The following TERF1 variants were observed in gnomAD, a reference collection of about 807,000 sequenced individuals.
The protein encoded by TERF1 is telomeric repeat-binding factor 1.
A neutral mutation model predicts 55.1 loss-of-function variants in TERF1; 20 were observed. The ratio of observed to expected loss-of-function variants is 0.36; its 90% CI spans 0.26 to 0.53. The LOEUF (loss-of-function observed/expected upper bound fraction) is 0.53, where lower values mean the gene tolerates loss of function less well. Among genes scored for constraint, TERF1 ranks in the 20% least tolerant of loss-of-function variants. The probability of loss-of-function intolerance (pLI) is 0.91; values close to 1 mark genes in which losing one functional copy is unlikely to be tolerated. For missense variants in TERF1, 439 were observed against 535.7 expected (o/e 0.82, Z 1.78); for synonymous variants, 168 against 181.2 (o/e 0.93, Z 0.59).
chr8:73,034,759 A>G (rs1275895352), intron 8 of TERF1, among the ~76,000 whole-genome samples: 2 of 145,974 alleles, frequency 1.4e-5, no homozygotes, highest in African/African-American at 2.5e-5. Flanking sequence ...TCAATCCTCA[A>G]AACAACCTTA....
chr8:73,020,978 T>C (rs530610628), intron 3 of TERF1, among the ~76,000 whole-genome samples, 173 bp downstream of exon 3: 58 of 152,278 alleles, frequency 3.8e-4, no homozygotes, highest in Admixed American at 1.4e-3. Context: ...TGGAACTTAA[T>C]GTGCCATACT....
chr8:73,018,852 C>T (rs1428979567), intron 2 of TERF1: 1 of 152,048 alleles, frequency 6.6e-6, no homozygotes, highest in Non-Finnish European at 1.5e-5. Flanking sequence ...AGTTTTTTGT[C>T]TTCAAGACAC....
intron 1 of TERF1, chr8:73,009,668 G>C (rs1053948051): frequency 1.3e-5 from 2 of 154,174 alleles, no homozygotes; most frequent in East Asian, 3.9e-4. Flanking sequence ...TGTAGTCTCA[G>C]AATAAAAGTA....
intron 2 of TERF1, among the ~76,000 whole-genome samples, chr8:73,014,986 A>G (rs994601379): frequency 6.6e-6 from 1 of 152,226 alleles, no homozygotes; most frequent in Non-Finnish European, 1.5e-5. Context: ...ATAAGTTGAC[A>G]CTGTTGTTAA....
At position 73,028,571 on chromosome 8, in the gene TERF1, A is replaced by AATTTTTT. The variant is rs1554555223; in HGVS notation, c.887+1519_887+1520insATTTTTT. 6.9e-4 allele frequency among the ~76,000 whole-genome samples: 72 copies of AATTTTTT among 104,418 alleles called. 1 individual carries two copies. Among genetic ancestry groups the AATTTTTT allele is most frequent in the African/African-American group, 2.5e-3 (65 of 26,434 alleles). 68.5% of individuals were successfully genotyped at this position (104,418 alleles called of 152,430 possible). On this transcript the variant is annotated intron_variant, in intron 6 of 9. Transcript: ENST00000276603. ...GGCTTATAAAGCCTTACGTAGACCC[A>AATTTTTT]TTTTTTTTTTTTTTTTTTTTTTTTA...
chr8:73,031,473 T>A (rs1413671156), intron 7 of TERF1: 2 of 152,190 alleles, frequency 1.3e-5, no homozygotes, highest in African/African-American at 4.8e-5. Flanking sequence ...CTGCCTAAGC[T>A]TAGGTGAACT....
intron 9 of TERF1, among the ~76,000 whole-genome samples, chr8:73,041,385 G>A (rs748511193): frequency 1.3e-5 from 2 of 152,018 alleles, no homozygotes; most frequent in African/African-American, 2.4e-5. Flanking sequence ...CAACTATAAC[G>A]CCCAGGATCC....
chr8:73,024,195 C>T (rs1005407925), intron 4 of TERF1, among the ~76,000 whole-genome samples: 9 of 152,138 alleles, frequency 5.9e-5, no homozygotes, highest in Non-Finnish European at 1.3e-4. Context: ...CTAAATCCCT[C>T]AATAGGCATG....
At chr8:73,030,281 C>G (rs1809227455) in intron 6 of TERF1, 55 bp from the exon 7 acceptor site, 1 of 1,156,342 alleles carries the variant, frequency 8.6e-7, no homozygotes, top group Non-Finnish European at 1.2e-6. Flanking sequence ...AAAGTACTAT[C>G]CTTATGAAAA....
chr8:73,024,735 C>CT, intron 4 of TERF1, 87 bp from the exon 5 acceptor site: 1 of 981,356 alleles, frequency 1.0e-6, no homozygotes, highest in Non-Finnish European at 1.5e-6. Flanking sequence ...AAAGTGATTT[C>CT]TTTTCAATTA....
intron 4 of TERF1, among the ~76,000 whole-genome samples, chr8:73,023,752 C>A (rs752722998): frequency 6.6e-6 from 1 of 152,266 alleles, no homozygotes; most frequent in South Asian, 2.1e-4. Flanking sequence ...ATTGAAATAC[C>A]ACTTTCCATG....
intron 8 of TERF1, among the ~76,000 whole-genome samples, chr8:73,037,709 T>TAGTATAAAA (rs1563471902): frequency 3.5e-5 from 3 of 84,854 alleles, no homozygotes; most frequent in Admixed American, 2.0e-4. Flanking sequence ...TAATATTATA[T>TAGTATAAAA]TATATATAAT....
intron 7 of TERF1, 38 bp from the exon 8 acceptor site, chr8:73,032,000 ATCTT>A (rs764757865): frequency 7.2e-7 from 1 of 1,394,744 alleles, no homozygotes; most frequent in East Asian, 2.3e-5. Flanking sequence ...TTGCCTTACT[ATCTT>A]TCTGGAGCCA....
In TERF1 at chr8:73,008,865, G is replaced by C; in HGVS notation, c.-22G>C. The C allele has an allele frequency of 6.3e-7, 1 of 1,585,968 alleles. No individual in the cohort carries two copies. The highest frequency in any genetic ancestry group is 8.6e-7 in the Non-Finnish European group (1 of 1,167,196). ...TCGTTGCTCGGCGCCTGAAGGGGCA[G>C]TACCCAAGCGAGCCATTTAACATGG... is the stretch of plus-strand genomic sequence containing the variant. On this transcript the variant is annotated 5_prime_UTR_variant, in exon 1 of 10. Coordinates refer to ENST00000276603, the MANE Select transcript of TERF1 (RefSeq NM_017489.3).
At chr8:73,038,263 C>T (rs1809688051) in intron 8 of TERF1, among the ~76,000 whole-genome samples, 1 of 151,772 alleles carries the variant, frequency 6.6e-6, no homozygotes, top group Non-Finnish European at 1.5e-5. Flanking sequence ...CCAGCCTGTG[C>T]AATATAGTGA....
intron 9 of TERF1, among the ~76,000 whole-genome samples, chr8:73,039,770 GGTGTGTGTGTGTGTGT>G (rs35184446): frequency 0.014 from 1,899 of 136,444 alleles, 44 homozygotes; most frequent in African/African-American, 0.049. Context: ...TTGTTTTTGT[GGTGTGTGTGTGTGTGT>G]GTGTGTGTGT....
chr8:73,044,056 G>T (rs925873512), intron 9 of TERF1, among the ~76,000 whole-genome samples: 1 of 152,086 alleles, frequency 6.6e-6, no homozygotes, highest in African/African-American at 2.4e-5. Context: ...ACCCACTGTT[G>T]AAGTGCTTTT....
At chr8:73,025,407 C>T (rs1808938609) in intron 5 of TERF1, among the ~76,000 whole-genome samples, 2 of 150,188 alleles carry the variant, frequency 1.3e-5, no homozygotes, top group East Asian at 2.0e-4. Flanking sequence ...TTCAGGAGTT[C>T]GAGACTAGCC....
chr8:73,021,649 C>T (rs565209265), intron 3 of TERF1, among the ~76,000 whole-genome samples: 1 of 152,232 alleles, frequency 6.6e-6, no homozygotes, highest in East Asian at 1.9e-4. Context: ...TATAAGGTAA[C>T]TGGGACACCA....
Sources: allele counts gnomAD v4.1 joint callset (sites outside exome capture counted in the v4.1 genomes callset), GRCh38; gene constraint gnomAD v4.1.1; transcripts MANE v1.5; gene names NCBI Gene and HGNC (gene_info 2026-07-23, HGNC 2026-07-21).